PIK3C3: variants seen among roughly 807,000 people sequenced by gnomAD.
PIK3C3 encodes the protein phosphatidylinositol 3-kinase catalytic subunit type 3, also known as PI3-kinase type 3.
A neutral mutation model predicts 126.1 loss-of-function variants in PIK3C3; 95 were observed. That is an observed-to-expected ratio of 0.75 (90% CI 0.64 to 0.89). PIK3C3 has a LOEUF of 0.89. PIK3C3 is among the 40% of genes least tolerant of loss of function. The probability of loss-of-function intolerance (pLI) is 0.00; values close to 1 mark genes in which losing one functional copy is unlikely to be tolerated. For synonymous variants in PIK3C3, 374 were observed against 360.0 expected (o/e 1.04, Z -0.44); for missense variants, 829 against 1,063.2 (o/e 0.78, Z 3.06).
intron 7 of PIK3C3, among the ~76,000 whole-genome samples, chr18:41,993,552 G>C (rs1374887767): frequency 6.6e-6 from 1 of 152,066 alleles, no homozygotes; most frequent in East Asian, 1.9e-4. Context: ...GGGTAGAGTA[G>C]GGTTGGGCAT....
At chr18:41,968,803 C>A (rs1182168970) in intron 3 of PIK3C3, among the ~76,000 whole-genome samples, 1 of 151,142 alleles carries the variant, frequency 6.6e-6, no homozygotes, top group African/African-American at 2.4e-5. Context: ...GTTAAGGAGA[C>A]AATTTTTTTT....
rs1428462766 is a variant in PIK3C3, at chr18:41,977,516, GAC to G, written c.531+7064_531+7065del. On this transcript the variant is annotated intron_variant, in intron 4 of 24. Coordinates refer to ENST00000262039, the MANE Select transcript of PIK3C3 (RefSeq NM_002647.4). ...TATATGTGTATTTTTTTTTTTTTGAGACACAGTCTCACTCTGTCGTCCAGACT... is the reference window on the plus strand; with the variant it reads ...TATATGTGTATTTTTTTTTTTTTGAGACAGTCTCACTCTGTCGTCCAGACT... Among the ~76,000 whole-genome samples, 25 of 150,764 alleles carry G rather than the reference GAC, an allele frequency of 1.7e-4. 1 individual carries two copies. In the East Asian group the frequency reaches 4.9e-3, roughly 29 times the overall value.
At chr18:42,002,525 A>G (rs1982337951) in intron 9 of PIK3C3, among the ~76,000 whole-genome samples, 1 of 152,220 alleles carries the variant, frequency 6.6e-6, no homozygotes, top group Non-Finnish European at 1.5e-5. Flanking sequence ...CCAATTAGAA[A>G]AAGCAATATG....
chr18:41,970,706 C>G, intron 4 of PIK3C3: 1 of 591,874 alleles, frequency 1.7e-6, no homozygotes. Flanking sequence ...TTTCATCACC[C>G]CTAAAAGAAA....
chr18:41,990,455 T>C lies in PIK3C3; in HGVS notation c.619-4T>C, dbSNP rs1283793248. Reference sequence around the variant, plus strand: ...TTTTTCATGAAAATCATTTTTTTTTTCAGAGTGAAAAACGAAGTTCTAATT... The same window carrying C: ...TTTTTCATGAAAATCATTTTTTTTTCCAGAGTGAAAAACGAAGTTCTAATT... On this transcript the variant is annotated splice_region_variant and splice_polypyrimidine_tract_variant and intron_variant, in intron 5 of 24. Transcript: ENST00000262039. 1.3e-6 allele frequency: 2 copies of C among 1,514,554 alleles called. No homozygotes were observed. Among genetic ancestry groups the C allele is most frequent in the South Asian group, 2.3e-5 (2 of 88,702 alleles). 93.8% of individuals were successfully genotyped at this position (1,514,554 alleles called of 1,614,324 possible). A position where few individuals can be genotyped will look rare whatever the true frequency, so the allele number is the denominator to read the frequency against.
intron 24 of PIK3C3, among the ~76,000 whole-genome samples, chr18:42,069,912 T>G (rs1985704553): frequency 6.6e-6 from 1 of 152,236 alleles, no homozygotes; most frequent in South Asian, 2.1e-4. Flanking sequence ...TGTTATTTCT[T>G]ACTTAGGATG....
intron 12 of PIK3C3, among the ~76,000 whole-genome samples, chr18:42,019,968 CT>C (rs965570153): frequency 6.6e-6 from 1 of 151,974 alleles, no homozygotes; most frequent in Non-Finnish European, 1.5e-5. Context: ...CAAGATATTT[CT>C]TATATTTGTC....
chr18:42,059,446 C>G (rs1985218816), intron 22 of PIK3C3, among the ~76,000 whole-genome samples: 1 of 152,196 alleles, frequency 6.6e-6, no homozygotes, highest in South Asian at 2.1e-4. Context: ...AAAACTAGGT[C>G]GAACCATGGA....
At chr18:41,957,844 A>G (rs1204850621) in intron 2 of PIK3C3, 86 bp downstream of exon 2, 10 of 1,066,398 alleles carry the variant, frequency 9.4e-6, no homozygotes, top group South Asian at 3.3e-5. Context: ...GTAGGATTAT[A>G]GAGGAATTTC....
chr18:42,037,384 A>G (rs1029573892), intron 16 of PIK3C3, among the ~76,000 whole-genome samples: 3 of 152,190 alleles, frequency 2.0e-5, no homozygotes, highest in African/African-American at 7.2e-5. Context: ...ATCTTATTTT[A>G]CAGATGAGGA....
chr18:42,014,742 T>G (rs936024559), intron 11 of PIK3C3, among the ~76,000 whole-genome samples: 1 of 152,198 alleles, frequency 6.6e-6, no homozygotes, highest in African/African-American at 2.4e-5. Flanking sequence ...AATTATTACA[T>G]GAGCTCAAGA....
chr18:42,008,755 A>G (rs953021514), intron 10 of PIK3C3, among the ~76,000 whole-genome samples: 7 of 152,032 alleles, frequency 4.6e-5, no homozygotes, highest in Non-Finnish European at 8.8e-5. Context: ...ATTTTTCAAG[A>G]CATGAGTATA....
rs936382920 is a variant in PIK3C3, at chr18:41,996,760, A to G, written c.984+30A>G. The G allele has an allele frequency of 6.7e-6, 7 of 1,043,092 alleles. No homozygotes were observed. The African/African-American group carries it at 8.1e-5, about 12-fold the overall frequency. 64.6% of individuals were successfully genotyped at this position (1,043,092 alleles called of 1,614,324 possible). A position where few individuals can be genotyped will look rare whatever the true frequency, so the allele number is the denominator to read the frequency against. ...GTGTCTTGAATATTTTCATATATCA[A>G]ATTTATCTACCAACTTTGTTATTAA... On this transcript the variant is annotated intron_variant, in intron 9 of 24. Transcript: ENST00000262039.
chr18:42,049,485 C>T, intron 20 of PIK3C3, 46 bp from the exon 21 acceptor site: 1 of 1,412,914 alleles, frequency 7.1e-7, no homozygotes, highest in African/African-American at 1.4e-5. Context: ...AATGTATAAC[C>T]TGGTTTGCAT....
At chr18:41,967,667 G>A (rs1314549253) in intron 3 of PIK3C3, among the ~76,000 whole-genome samples, 1 of 152,182 alleles carries the variant, frequency 6.6e-6, no homozygotes, top group African/African-American at 2.4e-5. Context: ...GATAAGGCTA[G>A]AATAATTTGT....
Position 42,083,275 on chromosome 18 carries a change from G to C in PIK3C3, c.*2138G>C, listed in dbSNP as rs186921696. On this transcript the variant is annotated 3_prime_UTR_variant, in exon 25 of 25. Coordinates refer to ENST00000262039, the MANE Select transcript of PIK3C3 (RefSeq NM_002647.4). ...GTCTGCATATTTCTTTATTATCATTGCCATGTGACTTCTTTGGTGACAAGT... is the reference window on the plus strand; with the variant it reads ...GTCTGCATATTTCTTTATTATCATTCCCATGTGACTTCTTTGGTGACAAGT... 6.6e-5 allele frequency: 10 copies of C among 152,012 alleles called. No individual in the cohort carries two copies. Among genetic ancestry groups the C allele is most frequent in the Non-Finnish European group, 1.2e-4 (8 of 67,980 alleles). The allele number at this position is 152,012 out of a possible 1,614,324, so 9.4% of individuals were successfully genotyped here.
chr18:42,079,989 A>AAGAG (rs144788006), intron 24 of PIK3C3, among the ~76,000 whole-genome samples: 5 of 110,074 alleles, frequency 4.5e-5, no homozygotes, highest in African/African-American at 1.5e-4. Context: ...GTGTGTATGT[A>AAGAG]AGAGAGAGAG....
intron 2 of PIK3C3, among the ~76,000 whole-genome samples, chr18:41,958,591 C>T (rs1275069646): frequency 4.6e-5 from 7 of 152,170 alleles, no homozygotes; most frequent in African/African-American, 2.4e-5. Context: ...CTGGCCATAT[C>T]GAAACCAAGT....
chr18:42,076,123 C>CACATATATATATATATAT lies in PIK3C3; in HGVS notation c.2650-5000_2650-4999insACATATATATATATATAT, dbSNP rs1568013588. On this transcript the variant is annotated intron_variant, in intron 24 of 24. Transcript: ENST00000262039. ...ATATATATATATATATATATATATG[C>CACATATATATATATATAT]GCATATATATATATATATATGCGCA... 2.6e-4 allele frequency among the ~76,000 whole-genome samples: 8 copies of CACATATATATATATATAT among 30,278 alleles called. 1 individual carries two copies. The highest frequency in any genetic ancestry group is 6.4e-4 in the African/African-American group (4 of 6,278). The allele number at this position is 30,278 out of a possible 152,430, so 19.9% of individuals were successfully genotyped here.
Sources: allele counts gnomAD v4.1 joint callset (sites outside exome capture counted in the v4.1 genomes callset), GRCh38; gene constraint gnomAD v4.1.1; transcripts MANE v1.5; gene names NCBI Gene and HGNC (gene_info 2026-07-23, HGNC 2026-07-21).